SRFBP1: variants seen among roughly 807,000 people sequenced by gnomAD.
SRFBP1 encodes the protein serum response factor-binding protein 1.
A neutral mutation model predicts 45.5 loss-of-function variants in SRFBP1; 47 were observed. That is an observed-to-expected ratio of 1.03 (90% CI 0.82 to 1.32). SRFBP1 has a LOEUF of 1.32. Among genes scored for constraint, SRFBP1 ranks in the 40% most tolerant of loss-of-function variants. The pLI is 0.00. For missense variants in SRFBP1, 621 were observed against 484.6 expected (o/e 1.28, Z -2.64); for synonymous variants, 203 against 166.3 (o/e 1.22, Z -1.70).
chr5:121,998,672 A>AC (rs1752788162), intron 4 of SRFBP1, among the ~76,000 whole-genome samples: 1 of 151,738 alleles, frequency 6.6e-6, no homozygotes, highest in South Asian at 2.1e-4. Context: ...TAAAAAAAAA[A>AC]AAAACTAAGA....
chr5:122,040,286 A>T (rs1430399208), intron 2 of SRFBP1, among the ~76,000 whole-genome samples: 1 of 152,156 alleles, frequency 6.6e-6, no homozygotes, highest in East Asian at 1.9e-4. Context: ...ATTGTAGAAC[A>T]AATTATATGT....
Position 121,974,269 on chromosome 5 carries a change from G to A in SRFBP1, c.110G>A (p.Arg37Gln), listed in dbSNP as rs546211383. The change falls in exon 2 of 8, where the codon CGA becomes CAA. Residue 37 changes from arginine (R) to glutamine (Q), a missense_variant. By Grantham distance (43) the Arg-to-Gln change is conservative. Transcript: ENST00000339397. ...VIRKLVRSVGRLKSKKGTEDA... is the reference protein window; with the variant it reads ...VIRKLVRSVGQLKSKKGTEDA... Reference sequence around the variant, plus strand: ...CGAAAACTTGTCAGGAGTGTTGGCCGACTGAAGTCAAAAAAGTTAGTCATT... The same window carrying A: ...CGAAAACTTGTCAGGAGTGTTGGCCAACTGAAGTCAAAAAAGTTAGTCATT... 7.5e-6 allele frequency: 12 copies of A among 1,610,426 alleles called. No individual in the cohort carries two copies. Among genetic ancestry groups the A allele is most frequent in the East Asian group, 4.5e-5 (2 of 44,748 alleles).
intron 5 of SRFBP1, 109 bp from the exon 6 acceptor site, chr5:122,019,979 C>T: frequency 1.5e-6 from 1 of 659,678 alleles, no homozygotes; most frequent in Non-Finnish European, 2.4e-6. Flanking sequence ...ATATCAATTC[C>T]AACTGCCCTC....
chr5:122,036,723 G>A (rs1186396269), intron 2 of SRFBP1, among the ~76,000 whole-genome samples: 5 of 152,092 alleles, frequency 3.3e-5, no homozygotes, highest in African/African-American at 1.2e-4. Context: ...CATTTTTGGA[G>A]TGTGTCCATA....
At chr5:122,002,116 T>G (rs1295352569) in intron 4 of SRFBP1, among the ~76,000 whole-genome samples, 1 of 152,214 alleles carries the variant, frequency 6.6e-6, no homozygotes, top group African/African-American at 2.4e-5. Context: ...TCACATTTAA[T>G]TTTTAATATT....
At chr5:121,977,276 A>G (rs1752322278) in intron 3 of SRFBP1, among the ~76,000 whole-genome samples, 1 of 152,022 alleles carries the variant, frequency 6.6e-6, no homozygotes, top group African/African-American at 2.4e-5. Context: ...CCTTAAATTC[A>G]TAAAATTCAT....
chr5:122,033,684 C>T (rs1440024876), intron 2 of SRFBP1, among the ~76,000 whole-genome samples: 1 of 151,728 alleles, frequency 6.6e-6, no homozygotes, highest in Non-Finnish European at 1.5e-5. Context: ...GTCTCGAAAT[C>T]CTGACCTCAG....
chr5:122,047,032 C>A (rs1753874260), intron 2 of SRFBP1, among the ~76,000 whole-genome samples: 1 of 152,194 alleles, frequency 6.6e-6, no homozygotes, highest in East Asian at 1.9e-4. Flanking sequence ...TTTTGCTGTG[C>A]AGAAGCTCTT....
At chr5:122,024,027 T>C (rs1193210906) in intron 7 of SRFBP1, among the ~76,000 whole-genome samples, 1 of 152,222 alleles carries the variant, frequency 6.6e-6, no homozygotes, top group Non-Finnish European at 1.5e-5. Context: ...GCTGAGTTGC[T>C]GTGGGCAACT....
intron 1 of SRFBP1, among the ~76,000 whole-genome samples, chr5:121,965,090 C>T (rs1391625924): frequency 6.6e-6 from 1 of 151,906 alleles, no homozygotes; most frequent in African/African-American, 2.4e-5. Flanking sequence ...TGGATATTAA[C>T]CCTTTGTCCG....
intron 4 of SRFBP1, among the ~76,000 whole-genome samples, chr5:121,995,324 G>A (rs1752699149): frequency 2.0e-5 from 3 of 152,034 alleles, no homozygotes; most frequent in African/African-American, 7.2e-5. Context: ...CTCTCAGACT[G>A]CAGTGCAATC....
intron 2 of SRFBP1, among the ~76,000 whole-genome samples, chr5:122,072,292 G>T (rs1754473369): frequency 6.6e-6 from 1 of 152,150 alleles, no homozygotes; most frequent in African/African-American, 2.4e-5. Context: ...GCACAAGCAA[G>T]CAAAAACGAG....
intron 3 of SRFBP1, among the ~76,000 whole-genome samples, chr5:121,983,463 C>A (rs915485463): frequency 2.0e-5 from 3 of 151,692 alleles, no homozygotes; most frequent in Non-Finnish European, 3.0e-5. Context: ...TAATCACTTA[C>A]ATTAAACAAG....
At chr5:122,049,606 T>C (rs1015965404) in intron 2 of SRFBP1, among the ~76,000 whole-genome samples, 2 of 150,880 alleles carry the variant, frequency 1.3e-5, no homozygotes, top group African/African-American at 4.8e-5. Context: ...CTTATACCAA[T>C]ATTGACCACA....
At chr5:122,053,437 T>G (rs745547802) in intron 2 of SRFBP1, among the ~76,000 whole-genome samples, 3 of 152,102 alleles carry the variant, frequency 2.0e-5, no homozygotes, top group African/African-American at 4.8e-5. Context: ...TTGGGGTGTT[T>G]CCCAGGACAA....
At chr5:121,988,519 G>A (rs1752561382) in intron 3 of SRFBP1, among the ~76,000 whole-genome samples, 1 of 152,174 alleles carries the variant, frequency 6.6e-6, no homozygotes, top group Admixed American at 6.5e-5. Flanking sequence ...GAGTCATATG[G>A]CCACATTCCC....
chr5:122,033,131 A>G (rs1381644500), downstream of SRFBP1, among the ~76,000 whole-genome samples: 1 of 149,890 alleles, frequency 6.7e-6, no homozygotes, highest in Non-Finnish European at 1.5e-5. Context: ...CAATTTTTTG[A>G]ATTTTTTTTT....
intron 1 of SRFBP1, among the ~76,000 whole-genome samples, chr5:121,962,336 C>T (rs959502433): frequency 3.9e-5 from 6 of 152,204 alleles, no homozygotes; most frequent in African/African-American, 7.2e-5. Context: ...TCAATATTCT[C>T]GTCTGTAAAG....
At chr5:122,066,650 T>C in intron 2 of SRFBP1, 1 of 1,029,390 alleles carries the variant, frequency 9.7e-7, no homozygotes, top group Non-Finnish European at 1.5e-6. Context: ...GTTCTCTTTT[T>C]CAAAATACAT....
Sources: gnomAD v4.1 joint callset for allele counts (sites outside exome capture counted in the v4.1 genomes callset) on GRCh38, gnomAD v4.1.1 for gene constraint, MANE v1.5 for transcripts, NCBI Gene and HGNC (gene_info 2026-07-23, HGNC 2026-07-21) for gene names.